The following KCNIP4 variants were observed in gnomAD, a reference collection of about 807,000 sequenced individuals.
The protein encoded by KCNIP4 is potassium voltage-gated channel interacting protein 4.
A neutral mutation model predicts 34.0 loss-of-function variants in KCNIP4; 12 were observed. The ratio of observed to expected loss-of-function variants is 0.35; its 90% CI spans 0.23 to 0.57. KCNIP4 has a LOEUF of 0.57. Ranked by LOEUF, KCNIP4 falls within the 20% of genes least tolerant of loss-of-function variation. The pLI is 0.83. For missense variants in KCNIP4, 238 were observed against 311.7 expected, an observed-to-expected ratio of 0.76 and a Z score of 1.78; for synonymous variants, 124 against 102.2, an observed-to-expected ratio of 1.21 and a Z score of -1.29.
At chr4:21,364,491 A>G (rs1366385228) in intron 1 of KCNIP4, among the ~76,000 whole-genome samples, 1 of 152,216 alleles carries the variant, frequency 6.6e-6, no homozygotes, top group Non-Finnish European at 1.5e-5. Flanking sequence ...CATAGGAAAC[A>G]ATAAACATGT....
At chr4:21,394,430 G>A (rs9996172) in intron 1 of KCNIP4, among the ~76,000 whole-genome samples, 115,743 of 151,944 alleles carry the variant, frequency 0.76, 45,900 homozygotes, top group Non-Finnish European at 0.89. Flanking sequence ...CTGCATTCCT[G>A]GTTTCAGTGA....
intron 1 of KCNIP4, among the ~76,000 whole-genome samples, chr4:21,113,262 A>T (rs1460201713): frequency 6.6e-6 from 1 of 152,142 alleles, no homozygotes; most frequent in African/African-American, 2.4e-5. Context: ...AACAAAGAAA[A>T]TCTCATCAAA....
chr4:21,653,535 C>T (rs1747678107), intron 1 of KCNIP4, among the ~76,000 whole-genome samples: 1 of 152,182 alleles, frequency 6.6e-6, no homozygotes, highest in Non-Finnish European at 1.5e-5. Context: ...ATATATCCAT[C>T]CATCTATTTC....
chr4:21,543,683 T>C (rs1183337988), intron 1 of KCNIP4, among the ~76,000 whole-genome samples: 4 of 152,174 alleles, frequency 2.6e-5, no homozygotes, highest in Admixed American at 2.6e-4. Flanking sequence ...AGCAGACAGT[T>C]GTAAAGTCAG....
intron 1 of KCNIP4, among the ~76,000 whole-genome samples, chr4:21,136,157 C>T (rs1042686775): frequency 6.6e-6 from 1 of 152,090 alleles, no homozygotes; most frequent in African/African-American, 2.4e-5. Flanking sequence ...GAAATGTTTC[C>T]GGATGCTTGC....
intron 1 of KCNIP4, among the ~76,000 whole-genome samples, chr4:21,084,738 C>G (rs1471785091): frequency 2.0e-5 from 3 of 151,068 alleles, no homozygotes; most frequent in African/African-American, 7.4e-5. Context: ...CTATTTAGAT[C>G]CTCATCTCTC....
intron 1 of KCNIP4, among the ~76,000 whole-genome samples, chr4:21,034,517 C>A (rs1741286219): frequency 6.6e-6 from 1 of 152,126 alleles, no homozygotes; most frequent in Admixed American, 6.5e-5. Context: ...CTGGGGCACC[C>A]TTGTCTTTTC....
At chr4:21,322,859 A>C (rs866936958) in intron 1 of KCNIP4, among the ~76,000 whole-genome samples, 13 of 152,176 alleles carry the variant, frequency 8.5e-5, no homozygotes, top group African/African-American at 2.9e-4. Context: ...AGAAATAACC[A>C]GAAATAGAAT....
At chr4:21,614,270 A>G (rs1167153057) in intron 1 of KCNIP4, among the ~76,000 whole-genome samples, 1 of 151,988 alleles carries the variant, frequency 6.6e-6, no homozygotes, top group Non-Finnish European at 1.5e-5. Context: ...CGCTCTTGAC[A>G]TGAGGGATGC....
Position 20,755,774 on chromosome 4 carries a change from A to G in KCNIP4, c.358+3047T>C, listed in dbSNP as rs574450392. On this transcript the variant is annotated intron_variant, in intron 4 of 8. Coordinates refer to ENST00000382152, the MANE Select transcript of KCNIP4 (RefSeq NM_025221.6). ...CAAAGGTGATGAGATATTGAGATAG[A>G]TATTTGGGAGAAGATAATTTCAGGC... Among the ~76,000 whole-genome samples, 3 of 152,234 alleles carry G rather than the reference A, an allele frequency of 2.0e-5. No individual in the cohort carries two copies. The East Asian group carries it at 5.8e-4, about 29-fold the overall frequency.
At position 21,868,928 on chromosome 4, in the gene KCNIP4, A is replaced by C. The variant is rs79243345; in HGVS notation, c.61+79643T>G. 6.5e-3 allele frequency among the ~76,000 whole-genome samples: 995 copies of C among 152,370 alleles called. 5 individuals carry two copies. Among genetic ancestry groups the C allele is most frequent in the Non-Finnish European group, 0.011 (762 of 68,032 alleles). On this transcript the variant is annotated intron_variant, in intron 1 of 8. Coordinates refer to ENST00000382152, the MANE Select transcript of KCNIP4 (RefSeq NM_025221.6). ...GTGTTTATAAAATAGGCTGACGGCA[A>C]CAGGATTATTTGTTAAAATGTTCTC...
At chr4:21,134,118 A>G (rs576973811) in intron 1 of KCNIP4, among the ~76,000 whole-genome samples, 1 of 152,304 alleles carries the variant, frequency 6.6e-6, no homozygotes, top group African/African-American at 2.4e-5. Context: ...GACCACCCAC[A>G]GGTGACCTTT....
intron 1 of KCNIP4, among the ~76,000 whole-genome samples, chr4:21,215,107 T>C (rs1281230371): frequency 6.6e-6 from 1 of 152,204 alleles, no homozygotes; most frequent in Non-Finnish European, 1.5e-5. Flanking sequence ...CACAAATTAA[T>C]TGGAGTGATA....
chr4:20,828,925 C>T (rs148922741), intron 3 of KCNIP4, among the ~76,000 whole-genome samples: 14 of 152,294 alleles, frequency 9.2e-5, no homozygotes, highest in African/African-American at 2.6e-4. Flanking sequence ...GGAGAAAATA[C>T]CCTAAAGAAA....
At chr4:20,972,988 T>G (rs1479720236) in intron 1 of KCNIP4, among the ~76,000 whole-genome samples, 1 of 152,180 alleles carries the variant, frequency 6.6e-6, no homozygotes, top group Non-Finnish European at 1.5e-5. Context: ...AGTGGTTTCT[T>G]GAGATGGAAT....
At chr4:21,287,361 A>G (rs1763183847) in intron 1 of KCNIP4, among the ~76,000 whole-genome samples, 1 of 152,202 alleles carries the variant, frequency 6.6e-6, no homozygotes, top group African/African-American at 2.4e-5. Context: ...TGTACTAAAC[A>G]TAGGTCCATA....
At chr4:20,961,590 C>A (rs1018616536) in intron 1 of KCNIP4, among the ~76,000 whole-genome samples, 1 of 152,136 alleles carries the variant, frequency 6.6e-6, no homozygotes, top group African/African-American at 2.4e-5. Context: ...ATTAGTGTTT[C>A]ATAAATTTAA....
intron 1 of KCNIP4, among the ~76,000 whole-genome samples, chr4:20,990,117 T>C (rs1223618533): frequency 6.6e-6 from 1 of 152,204 alleles, no homozygotes; most frequent in Non-Finnish European, 1.5e-5. Flanking sequence ...AAGGTCAGTG[T>C]ATGACCCTTC....
intron 1 of KCNIP4, among the ~76,000 whole-genome samples, chr4:21,858,152 G>C (rs1406212279): frequency 6.6e-6 from 1 of 152,210 alleles, no homozygotes; most frequent in East Asian, 1.9e-4. Flanking sequence ...TGGGATCCAG[G>C]CTGGTAGCAT....
Sources: gnomAD v4.1 joint callset for allele counts (sites outside exome capture counted in the v4.1 genomes callset) on GRCh38, gnomAD v4.1.1 for gene constraint, MANE v1.5 for transcripts, NCBI Gene and HGNC (gene_info 2026-07-23, HGNC 2026-07-21) for gene names.